The following WNT7A variants were observed in gnomAD, a reference collection of about 807,000 sequenced individuals.
WNT7A encodes protein Wnt-7a.
A neutral mutation model predicts 28.2 loss-of-function variants in WNT7A; 16 were observed. The ratio of observed to expected loss-of-function variants is 0.57; its 90% CI spans 0.38 to 0.86. The LOEUF is 0.86. Among genes scored for constraint, WNT7A ranks in the 40% least tolerant of loss-of-function variants. The pLI is 0.00. For missense variants in WNT7A, 411 were observed against 489.7 expected (o/e 0.84, Z 1.52); for synonymous variants, 190 against 195.9 (o/e 0.97, Z 0.25).
At chr3:13,824,070 T>C (rs1277199989) in intron 3 of WNT7A, among the ~76,000 whole-genome samples, 2 of 152,154 alleles carry the variant, frequency 1.3e-5, no homozygotes. Flanking sequence ...TAGCAAACTC[T>C]TTCTTTTTTA....
chr3:13,859,038 G>T (rs948479368), intron 2 of WNT7A, among the ~76,000 whole-genome samples: 3 of 152,196 alleles, frequency 2.0e-5, no homozygotes, highest in African/African-American at 4.8e-5. Flanking sequence ...CAAAACAAGG[G>T]GTGTTGAGCG....
At chr3:13,869,361 G>T (rs1694992195) in intron 2 of WNT7A, among the ~76,000 whole-genome samples, 1 of 142,562 alleles carries the variant, frequency 7.0e-6, no homozygotes, top group Non-Finnish European at 1.5e-5. Flanking sequence ...GGAAAAGAGA[G>T]AAAGGAAGGA....
chr3:13,830,204 C>G (rs1236922949), intron 3 of WNT7A, among the ~76,000 whole-genome samples: 1 of 152,158 alleles, frequency 6.6e-6, no homozygotes, highest in South Asian at 2.1e-4. Flanking sequence ...TCCAAGCCAG[C>G]TGATCACATG....
chr3:13,864,488 A>G (rs1351958001), intron 2 of WNT7A, among the ~76,000 whole-genome samples: 1 of 152,044 alleles, frequency 6.6e-6, no homozygotes, highest in Admixed American at 6.5e-5. Flanking sequence ...CAGGTGACCC[A>G]TGTGGGCAGC....
At chr3:13,842,076 C>CA (rs764732514) in intron 3 of WNT7A, among the ~76,000 whole-genome samples, 1 of 151,766 alleles carries the variant, frequency 6.6e-6, no homozygotes. Flanking sequence ...GGGAAGGAGA[C>CA]AGGGGTGAGG....
At chr3:13,870,925 C>T (rs1695018437) in intron 2 of WNT7A, among the ~76,000 whole-genome samples, 1 of 152,206 alleles carries the variant, frequency 6.6e-6, no homozygotes, top group South Asian at 2.1e-4. Context: ...CAATTTCTAG[C>T]ATGCAAGGGG....
At chr3:13,879,316 C>A (rs1695168656) in intron 1 of WNT7A, among the ~76,000 whole-genome samples, 1 of 152,236 alleles carries the variant, frequency 6.6e-6, no homozygotes, top group African/African-American at 2.4e-5. Context: ...CTGTGCCGCG[C>A]CTCCTGAGAG....
chr3:13,838,828 G>A (rs1439490558), intron 3 of WNT7A, among the ~76,000 whole-genome samples: 1 of 152,214 alleles, frequency 6.6e-6, no homozygotes, highest in East Asian at 1.9e-4. Context: ...TACTCAAGCT[G>A]GATTTAGATC....
At chr3:13,859,972 C>T (rs1694802051) in intron 2 of WNT7A, among the ~76,000 whole-genome samples, 1 of 152,138 alleles carries the variant, frequency 6.6e-6, no homozygotes, top group African/African-American at 2.4e-5. Flanking sequence ...GTGATAAACT[C>T]CAGCCCCTTA....
intron 2 of WNT7A, among the ~76,000 whole-genome samples, chr3:13,865,842 G>GGCCC (rs1443481467): frequency 1.3e-5 from 2 of 152,016 alleles, no homozygotes; most frequent in East Asian, 3.9e-4. Flanking sequence ...AGCAGATCTG[G>GGCCC]GCCCCATGGA....
chr3:13,874,437 G>A (rs764773080), intron 2 of WNT7A, among the ~76,000 whole-genome samples: 1 of 152,150 alleles, frequency 6.6e-6, no homozygotes, highest in Non-Finnish European at 1.5e-5. Flanking sequence ...GGAGTCAAGC[G>A]GATCATGTCA....
At chr3:13,846,920 C>G (rs1395867484) in intron 3 of WNT7A, among the ~76,000 whole-genome samples, 2 of 152,132 alleles carry the variant, frequency 1.3e-5, no homozygotes, top group Non-Finnish European at 2.9e-5. Context: ...TCTTACCAGC[C>G]CAGAGCAAAG....
chr3:13,876,585 C>T (rs1695114368), intron 1 of WNT7A, among the ~76,000 whole-genome samples: 1 of 152,158 alleles, frequency 6.6e-6, no homozygotes, highest in African/African-American at 2.4e-5. Context: ...TCTGGAGTTG[C>T]AATTTGTTAG....
At chr3:13,823,446 G>A (rs933259875) in intron 3 of WNT7A, among the ~76,000 whole-genome samples, 2 of 152,164 alleles carry the variant, frequency 1.3e-5, no homozygotes, top group African/African-American at 2.4e-5. Context: ...CCCCAGGCCC[G>A]AGCAATTGTC....
At chr3:13,844,813 C>G (rs781723248) in intron 3 of WNT7A, among the ~76,000 whole-genome samples, 54 of 152,188 alleles carry the variant, frequency 3.5e-4, no homozygotes, top group Non-Finnish European at 6.8e-4. Flanking sequence ...GCTGCCAACT[C>G]CTGGTGCCAG....
intron 2 of WNT7A, among the ~76,000 whole-genome samples, chr3:13,864,106 T>A (rs1348074192): frequency 6.6e-6 from 1 of 152,114 alleles, no homozygotes; most frequent in Non-Finnish European, 1.5e-5. Context: ...CGTGAGCATG[T>A]GGAAAAGAAT....
chr3:13,828,620 A>C (rs1374288525), intron 3 of WNT7A, among the ~76,000 whole-genome samples: 3 of 152,162 alleles, frequency 2.0e-5, no homozygotes, highest in Non-Finnish European at 4.4e-5. Flanking sequence ...GGAGCCAAGG[A>C]CTGGTTTGCC....
chr3:13,875,718 G>C (rs1695100434), intron 1 of WNT7A, among the ~76,000 whole-genome samples: 1 of 151,712 alleles, frequency 6.6e-6, no homozygotes, highest in South Asian at 2.1e-4. Flanking sequence ...TTTATTGTTG[G>C]AAAAAAAACT....
chr3:13,857,608 G>A (rs975475004), intron 2 of WNT7A, among the ~76,000 whole-genome samples: 10 of 152,070 alleles, frequency 6.6e-5, no homozygotes, highest in Admixed American at 5.9e-4. Context: ...AAGGCAAGTG[G>A]GAAGACTCAC....
Sources: gnomAD v4.1 joint callset for allele counts (sites outside exome capture counted in the v4.1 genomes callset) on GRCh38, gnomAD v4.1.1 for gene constraint, MANE v1.5 for transcripts, NCBI Gene and HGNC (gene_info 2026-07-23, HGNC 2026-07-21) for gene names.